PCDH7: variants seen among roughly 807,000 people sequenced by gnomAD.
PCDH7 encodes the protein protocadherin 7, also known as protocadherin-7.
A neutral mutation model predicts 58.9 loss-of-function variants in PCDH7; 17 were observed. The ratio of observed to expected loss-of-function variants is 0.29; its 90% CI spans 0.20 to 0.43. The LOEUF is 0.43. Ranked by LOEUF, PCDH7 falls within the 20% of genes least tolerant of loss-of-function variation. The pLI, the probability that PCDH7 is intolerant of heterozygous loss-of-function variation, is 1.00. For synonymous variants in PCDH7, 664 were observed against 616.4 expected (o/e 1.08, Z -1.14); for missense variants, 1,274 against 1,441.0 (o/e 0.88, Z 1.88).
At position 31,016,779 on chromosome 4, in the gene PCDH7, G is replaced by A. The variant is rs181816447; in HGVS notation, c.*7+66564G>A. 2.4e-4 allele frequency among the ~76,000 whole-genome samples: 36 copies of A among 151,822 alleles called. No homozygotes were observed. The East Asian group carries it at 5.2e-3, about 22-fold the overall frequency. Reference sequence around the variant, plus strand: ...TCAAAGCAAATAATTGAGTATAAGGGCTATTGTGTGTGTGTGTGTGCGTGT... The same window carrying A: ...TCAAAGCAAATAATTGAGTATAAGGACTATTGTGTGTGTGTGTGTGCGTGT... On this transcript the variant is annotated intron_variant, in intron 3 of 3. Coordinates refer to the PCDH7 transcript ENST00000509759.
At chr4:30,957,398 A>T (rs6819579) in intron 3 of PCDH7, among the ~76,000 whole-genome samples, 4 of 152,128 alleles carry the variant, frequency 2.6e-5, no homozygotes, top group African/African-American at 9.7e-5. Context: ...TTAGCTGAGT[A>T]TAATAGCAAC....
intron 3 of PCDH7, among the ~76,000 whole-genome samples, chr4:30,959,208 G>A (rs1405069786): frequency 6.6e-6 from 1 of 151,064 alleles, no homozygotes; most frequent in African/African-American, 2.4e-5. Context: ...CTTATAAATT[G>A]AGGGGTGCAA....
At chr4:31,136,030 C>T (rs1165502186) in intron 3 of PCDH7, among the ~76,000 whole-genome samples, 2 of 152,150 alleles carry the variant, frequency 1.3e-5, no homozygotes, top group Non-Finnish European at 2.9e-5. Flanking sequence ...ATTTATTACA[C>T]AGATGAGGAA....
intron 3 of PCDH7, among the ~76,000 whole-genome samples, chr4:31,014,392 C>G (rs1753447612): frequency 6.6e-6 from 1 of 152,030 alleles, no homozygotes; most frequent in Non-Finnish European, 1.5e-5. Flanking sequence ...TATAGCTATT[C>G]TATTATAAGC....
chr4:30,751,747 A>G (rs1718552330), intron 1 of PCDH7, among the ~76,000 whole-genome samples: 1 of 152,150 alleles, frequency 6.6e-6, no homozygotes, highest in South Asian at 2.1e-4. Context: ...ACCTTTGGCT[A>G]GACAATTTTA....
At chr4:30,876,553 A>G (rs1383611173) in intron 1 of PCDH7, among the ~76,000 whole-genome samples, 2 of 152,092 alleles carry the variant, frequency 1.3e-5, no homozygotes, top group Non-Finnish European at 2.9e-5. Context: ...CATTTGTATT[A>G]TAATATCACA....
downstream of PCDH7, chr4:31,143,117 A>C (rs1292271279): frequency 5.9e-6 from 1 of 168,104 alleles, no homozygotes; most frequent in Non-Finnish European, 1.2e-5. Context: ...CTCTCCAAAA[A>C]AAAAAAAACA....
intron 3 of PCDH7, among the ~76,000 whole-genome samples, chr4:31,053,917 T>C (rs2109225086): frequency 6.6e-6 from 1 of 152,264 alleles, no homozygotes; most frequent in East Asian, 1.9e-4. Flanking sequence ...TTGAAATTAT[T>C]TTCAGCAGCA....
chr4:30,811,831 G>C (rs549416720), intron 1 of PCDH7, among the ~76,000 whole-genome samples: 1 of 152,252 alleles, frequency 6.6e-6, no homozygotes, highest in South Asian at 2.1e-4. Flanking sequence ...AAGTCAGAGA[G>C]GAAGGAGAAG....
intron 1 of PCDH7, among the ~76,000 whole-genome samples, chr4:30,850,733 CA>C (rs996021414): frequency 1.3e-5 from 2 of 152,100 alleles, no homozygotes; most frequent in African/African-American, 4.8e-5. Flanking sequence ...CACTACCAGA[CA>C]CCAGTCTAGC....
intron 1 of PCDH7, among the ~76,000 whole-genome samples, chr4:30,805,760 AC>A (rs1219775517): frequency 6.6e-6 from 1 of 152,140 alleles, no homozygotes; most frequent in Non-Finnish European, 1.5e-5. Context: ...AAAATTTTAT[AC>A]CAAATCTGAC....
In PCDH7 at chr4:30,721,663, A is replaced by T. The variant is rs767900823; in HGVS notation, c.241A>T (p.Thr81Ser). The T allele has an allele frequency of 1.2e-6, 2 of 1,613,912 alleles. No individual in the cohort carries two copies. The highest frequency in any genetic ancestry group is 2.2e-5 in the East Asian group (1 of 44,854). The change falls in exon 1 of 2, where the codon ACT becomes TCT. Residue 81 changes from threonine to serine, a missense_variant. Thr to Ser is a moderately conservative substitution (Grantham distance 58, BLOSUM62 1). Transcript: ENST00000361762. The surrounding 1 kb of genome is among the most constrained non-coding windows in gnomAD (Gnocchi z 6.7). Reference sequence around the variant, plus strand: ...CGAGTACCTGAAGATCGACAACCTCACTGGCGAGCTGAGCACGAGCGAGCG... The same window carrying T: ...CGAGTACCTGAAGATCGACAACCTCTCTGGCGAGCTGAGCACGAGCGAGCG...
chr4:30,998,140 C>T (rs140677189), intron 3 of PCDH7, among the ~76,000 whole-genome samples: 2,093 of 152,034 alleles, frequency 0.014, 46 homozygotes, highest in African/African-American at 0.048. Context: ...GTTCTATTGC[C>T]CATGTGCTCA....
intron 1 of PCDH7, among the ~76,000 whole-genome samples, chr4:30,908,706 C>T: frequency 6.6e-6 from 1 of 152,080 alleles, no homozygotes; most frequent in East Asian, 1.9e-4. Context: ...ACCAGAGGTA[C>T]AAAGAGGAGC....
intron 3 of PCDH7, among the ~76,000 whole-genome samples, chr4:31,113,759 G>GGACC (rs1368991879): frequency 6.6e-6 from 1 of 151,818 alleles, no homozygotes; most frequent in Admixed American, 6.6e-5. Flanking sequence ...TAACTCTTAG[G>GGACC]GACCATCTGC....
At chr4:30,901,505 A>AT in intron 1 of PCDH7, among the ~76,000 whole-genome samples, 1 of 152,238 alleles carries the variant, frequency 6.6e-6, no homozygotes, top group East Asian at 1.9e-4. Flanking sequence ...AGACATCAAT[A>AT]TTTTTTTAAG....
At chr4:30,936,229 C>T (rs1224103093) in intron 2 of PCDH7, among the ~76,000 whole-genome samples, 1 of 151,928 alleles carries the variant, frequency 6.6e-6, no homozygotes. Flanking sequence ...TACAGTATCA[C>T]TCAAAGCAAG....
intron 3 of PCDH7, among the ~76,000 whole-genome samples, chr4:30,986,405 A>G (rs1332622429): frequency 6.6e-6 from 1 of 152,190 alleles, no homozygotes; most frequent in Non-Finnish European, 1.5e-5. Flanking sequence ...TTAAAAGCAC[A>G]CAGAAAAGCA....
In PCDH7 at chr4:30,779,003, GTTTTTTTTTTT is replaced by G. The variant is rs386399674; in HGVS notation, c.70+54425_70+54435del. ...TGATTCCAAATGGCCTCCTTACTCC[GTTTTTTTTTTT>G]TTTTTTTTTTTTTTTTTAAATGGAG... On this transcript the variant is annotated intron_variant, in intron 1 of 3. Transcript: ENST00000509759. Among the ~76,000 whole-genome samples the G allele has an allele frequency of 8.1e-3, 593 of 73,010 alleles. 7 individuals are homozygous for G. The highest frequency in any genetic ancestry group is 0.031 in the African/African-American group (548 of 17,654). 47.9% of individuals were successfully genotyped at this position (73,010 alleles called of 152,430 possible). A position where few individuals can be genotyped will look rare whatever the true frequency, so the allele number is the denominator to read the frequency against.
Sources: gnomAD v4.1 joint callset for allele counts (sites outside exome capture counted in the v4.1 genomes callset) on GRCh38, gnomAD v4.1.1 for gene constraint, Gnocchi (gnomAD v3.1) non-coding constraint, MANE v1.5 for transcripts, NCBI Gene and HGNC (gene_info 2026-07-23, HGNC 2026-07-21) for gene names.